The following ATP8A2 variants were observed in gnomAD, a reference collection of about 807,000 sequenced individuals.
The protein encoded by ATP8A2 is ATPase phospholipid transporting 8A2.
A neutral mutation model predicts 165.6 loss-of-function variants in ATP8A2; 100 were observed. That is an observed-to-expected ratio of 0.60 (90% CI 0.51 to 0.71). The LOEUF is 0.71. Ranked by LOEUF, ATP8A2 falls within the 30% of genes least tolerant of loss-of-function variation. ATP8A2 has a pLI of 0.00. For missense variants in ATP8A2, 1,227 were observed against 1,479.5 expected (o/e 0.83, Z 2.80); for synonymous variants, 543 against 548.8 (o/e 0.99, Z 0.15).
At chr13:25,933,699 G>A (rs1197917394) in intron 33 of ATP8A2, among the ~76,000 whole-genome samples, 1 of 152,182 alleles carries the variant, frequency 6.6e-6, no homozygotes, top group Non-Finnish European at 1.5e-5. Context: ...CCAGTCTAAG[G>A]CAGCCTCAAA....
intron 2 of ATP8A2, among the ~76,000 whole-genome samples, chr13:25,474,869 C>T (rs565440466): frequency 9.2e-5 from 14 of 151,628 alleles, no homozygotes; most frequent in African/African-American, 3.2e-4. Flanking sequence ...CTCATTCTGT[C>T]GCCCAGGCTG....
At chr13:25,373,872 G>C (rs1371874145) in intron 1 of ATP8A2, among the ~76,000 whole-genome samples, 1 of 152,144 alleles carries the variant, frequency 6.6e-6, no homozygotes, top group Non-Finnish European at 1.5e-5. Context: ...CGGCAGGACC[G>C]GCTCCAAGAG....
chr13:25,876,520 T>C (rs1478629106), intron 33 of ATP8A2, among the ~76,000 whole-genome samples: 1 of 152,140 alleles, frequency 6.6e-6, no homozygotes, highest in Non-Finnish European at 1.5e-5. Context: ...GGAGAAGCTT[T>C]AAAAATTTCA....
chr13:25,996,020 CATA>C (rs1426044172), intron 35 of ATP8A2, among the ~76,000 whole-genome samples: 1 of 152,142 alleles, frequency 6.6e-6, no homozygotes, highest in East Asian at 1.9e-4. Flanking sequence ...TTTGTCATTG[CATA>C]ATGTCCTTCA....
At chr13:25,719,625 A>T (rs1331793048) in intron 25 of ATP8A2, among the ~76,000 whole-genome samples, 1 of 152,200 alleles carries the variant, frequency 6.6e-6, no homozygotes, top group African/African-American at 2.4e-5. Context: ...CAATCATTTA[A>T]CATCCATTCC....
chr13:25,954,599 C>T (rs973209041), intron 33 of ATP8A2, among the ~76,000 whole-genome samples: 1 of 152,220 alleles, frequency 6.6e-6, no homozygotes, highest in African/African-American at 2.4e-5. Context: ...ACAGACACCT[C>T]ATACAAGAGA....
In ATP8A2 at chr13:25,533,583, T is replaced by C. The variant is rs139505027; in HGVS notation, c.507+270T>C. ...TCTAAATCCAATTTGAGAAATATTTTCCCTGGTCCTCTGTTGTCTTAACCT... is the reference window on the plus strand; with the variant it reads ...TCTAAATCCAATTTGAGAAATATTTCCCCTGGTCCTCTGTTGTCTTAACCT... On this transcript the variant is annotated intron_variant, in intron 6 of 36. Transcript: ENST00000381655. Among the ~76,000 whole-genome samples the C allele has an allele frequency of 6.4e-3, 974 of 152,358 alleles. 10 individuals carry two copies. The highest frequency in any genetic ancestry group is 0.014 in the Middle Eastern group (4 of 294).
Position 25,551,520 on chromosome 13 carries a change from G to T in ATP8A2, c.1057+17G>T. 6.3e-7 allele frequency: 1 copy of T among 1,585,080 alleles called. No homozygotes were observed. The highest frequency in any genetic ancestry group is 1.7e-4 in the Middle Eastern group (1 of 5,930). ...AGAAGATGGGTAAGTGTCGGGGTGG[G>T]TTGCTTGTTCCAGTGGAAGAAAACC... is the stretch of plus-strand genomic sequence containing the variant. On this transcript the variant is annotated intron_variant, in intron 11 of 36. Transcript: ENST00000381655.
Position 26,020,069 on chromosome 13 carries a change from G to A in ATP8A2, c.*84G>A, listed in dbSNP as rs1957060778. On this transcript the variant is annotated 3_prime_UTR_variant, in exon 37 of 37. Coordinates refer to ENST00000381655, the MANE Select transcript of ATP8A2 (RefSeq NM_016529.6). Reference sequence around the variant, plus strand: ...AACACATCTTTGTCAGAGAAGACTGGCGTCAGCAGCCAAAACACCAGGAAA... The same window carrying A: ...AACACATCTTTGTCAGAGAAGACTGACGTCAGCAGCCAAAACACCAGGAAA... 6 of 993,302 alleles carry A rather than the reference G, an allele frequency of 6.0e-6. No individual in the cohort carries two copies. The highest frequency in any genetic ancestry group is 9.4e-6 in the Non-Finnish European group (6 of 639,524). 61.5% of individuals were successfully genotyped at this position (993,302 alleles called of 1,614,324 possible).
chr13:25,912,383 G>A (rs1166184187), intron 33 of ATP8A2, among the ~76,000 whole-genome samples: 1 of 152,186 alleles, frequency 6.6e-6, no homozygotes, highest in African/African-American at 2.4e-5. Flanking sequence ...GGTTATCAGA[G>A]GCTGGGGATG....
chr13:25,818,566 A>T (rs190797928), intron 27 of ATP8A2, among the ~76,000 whole-genome samples: 216 of 152,270 alleles, frequency 1.4e-3, no homozygotes, highest in Non-Finnish European at 2.4e-3. Flanking sequence ...TTTTGTTAGG[A>T]TTGTTAAGAT....
At position 25,631,115 on chromosome 13, in the gene ATP8A2, G is replaced by A. The variant is rs116007662; in HGVS notation, c.2211+41416G>A. Among the ~76,000 whole-genome samples the A allele has an allele frequency of 2.7e-3, 408 of 152,258 alleles. 1 individual carries two copies. Among genetic ancestry groups the A allele is most frequent in the African/African-American group, 9.1e-3 (377 of 41,558 alleles). On this transcript the variant is annotated intron_variant, in intron 24 of 36. Transcript: ENST00000381655. Reference sequence around the variant, plus strand: ...TGCTTTTCAGTTTCTGACCCAGCAAGCAAATCCCAGGCAATGTTAAGTAAG... The same window carrying A: ...TGCTTTTCAGTTTCTGACCCAGCAAACAAATCCCAGGCAATGTTAAGTAAG...
chr13:25,394,401 A>C (rs886298752), intron 1 of ATP8A2, among the ~76,000 whole-genome samples: 3 of 152,244 alleles, frequency 2.0e-5, no homozygotes, highest in African/African-American at 7.2e-5. Context: ...TGTTTTACTT[A>C]ACAATAGAAA....
rs2043952175 is a variant in ATP8A2, at chr13:25,743,101, T to TCCACCCTAA, written c.2385-25945_2385-25944insCCACCCTAA. Among the ~76,000 whole-genome samples the TCCACCCTAA allele has an allele frequency of 7.2e-5, 11 of 152,076 alleles. No homozygotes were observed. In the South Asian group the frequency reaches 2.3e-3, roughly 32 times the overall value. On this transcript the variant is annotated intron_variant, in intron 25 of 36. Coordinates refer to ENST00000381655, the MANE Select transcript of ATP8A2 (RefSeq NM_016529.6). ...ATGTATTGAGATGAGGTCATTAGGG[T>TCCACCCTAA]GGACCTCATCTTAATACACCTTTAT...
intron 30 of ATP8A2, among the ~76,000 whole-genome samples, chr13:25,850,365 C>T (rs1208931578): frequency 1.3e-5 from 2 of 152,074 alleles, no homozygotes; most frequent in Non-Finnish European, 2.9e-5. Flanking sequence ...CCCCTGCTGA[C>T]CTCACCGCTG....
chr13:25,553,699 G>A, intron 11 of ATP8A2, 94 bp from the exon 12 acceptor site: 1 of 1,284,144 alleles, frequency 7.8e-7, no homozygotes. Context: ...TGACATGCAG[G>A]AGGTGCTCAA....
At position 25,446,400 on chromosome 13, in the gene ATP8A2, G is replaced by A. The variant is rs115694653; in HGVS notation, c.77-22577G>A. ...GTATCTGCTCTTCAGACTGCTGCCTGCCCCTCCCTCACCCTCAAATGAGAA... is the reference window on the plus strand; with the variant it reads ...GTATCTGCTCTTCAGACTGCTGCCTACCCCTCCCTCACCCTCAAATGAGAA... On this transcript the variant is annotated intron_variant, in intron 1 of 36. Transcript: ENST00000381655. 3.0e-3 allele frequency among the ~76,000 whole-genome samples: 459 copies of A among 152,272 alleles called. 4 individuals carry two copies. The highest frequency in any genetic ancestry group is 0.011 in the African/African-American group (446 of 41,560).
chr13:25,400,122 T>C (rs75335567), intron 1 of ATP8A2, among the ~76,000 whole-genome samples: 8,473 of 152,018 alleles, frequency 0.056, 416 homozygotes, highest in African/African-American at 0.13. Context: ...AGGGTCTTCC[T>C]ATGTTGCCCA....
chr13:25,570,337 T>A (rs543789036), intron 16 of ATP8A2, among the ~76,000 whole-genome samples: 2 of 151,854 alleles, frequency 1.3e-5, no homozygotes, highest in African/African-American at 4.8e-5. Context: ...CAGCAGCACG[T>A]GGGTGAAGCA....
Sources: allele counts gnomAD v4.1 joint callset (sites outside exome capture counted in the v4.1 genomes callset), GRCh38; gene constraint gnomAD v4.1.1; transcripts MANE v1.5; gene names NCBI Gene and HGNC (gene_info 2026-07-23, HGNC 2026-07-21).